The following OSBP2 variants were observed in gnomAD, a reference collection of about 807,000 sequenced individuals.
The protein encoded by OSBP2 is oxysterol-binding protein 2.
In OSBP2, 66 loss-of-function variants were observed where a neutral mutation model predicts 96.0. The observed-to-expected ratio is 0.69, with a 90% CI of 0.56 to 0.84. OSBP2 has a LOEUF of 0.84. Ranked by LOEUF, OSBP2 falls within the 40% of genes least tolerant of loss-of-function variation. The pLI is 0.00. For synonymous variants in OSBP2, 525 were observed against 520.9 expected, an observed-to-expected ratio of 1.01 and a Z score of -0.11; for missense variants, 1,038 against 1,222.7, an observed-to-expected ratio of 0.85 and a Z score of 2.25.
chr22:30,713,877 C>T (rs2089400930), intron 1 of OSBP2, among the ~76,000 whole-genome samples: 1 of 152,220 alleles, frequency 6.6e-6, no homozygotes, highest in African/African-American at 2.4e-5. Flanking sequence ...GCATATCCAT[C>T]ACCTCAAACA....
intron 3 of OSBP2, among the ~76,000 whole-genome samples, chr22:30,885,394 C>T (rs1354402428): frequency 6.6e-6 from 1 of 152,212 alleles, no homozygotes; most frequent in Non-Finnish European, 1.5e-5. Flanking sequence ...AAGCCTGAGC[C>T]ATCCTCTCCA....
intron 1 of OSBP2, among the ~76,000 whole-genome samples, chr22:30,711,000 C>T (rs2089337431): frequency 6.6e-6 from 1 of 152,230 alleles, no homozygotes; most frequent in African/African-American, 2.4e-5. Flanking sequence ...CTGCCTCGGC[C>T]TCCCAAAGTG....
chr22:30,887,810 C>G (rs1356703158), intron 4 of OSBP2, among the ~76,000 whole-genome samples, 192 bp downstream of exon 4: 1 of 152,242 alleles, frequency 6.6e-6, no homozygotes, highest in Non-Finnish European at 1.5e-5. Flanking sequence ...TTTGTCTGCA[C>G]CTAGGTTCAC....
chr22:30,818,273 T>C (rs2091104380), intron 2 of OSBP2, among the ~76,000 whole-genome samples: 1 of 152,084 alleles, frequency 6.6e-6, no homozygotes, highest in African/African-American at 2.4e-5. Flanking sequence ...TTTGCTCTTT[T>C]CCTTTCAGCG....
rs575802850 is a variant in OSBP2 at position 30,804,122 on chromosome 22, T to G, written c.853+62753T>G. 1.7e-3 allele frequency among the ~76,000 whole-genome samples: 253 copies of G among 152,176 alleles called. 1 individual carries two copies. The highest frequency in any genetic ancestry group is 2.9e-3 in the Non-Finnish European group (198 of 68,026). On this transcript the variant is annotated intron_variant, in intron 2 of 13. Coordinates refer to ENST00000332585, the MANE Select transcript of OSBP2 (RefSeq NM_030758.4). The stretch of plus-strand genomic sequence containing the variant: ...TGGCAAGGTCAGACAGATAGATGTG[T>G]TAACTCCTAGAACTGGATGGGTGGG...
intron 2 of OSBP2, chr22:30,822,709 G>A: frequency 2.6e-6 from 4 of 1,526,108 alleles, no homozygotes; most frequent in Non-Finnish European, 3.5e-6. Context: ...ATTTAAGAAG[G>A]GTTAGTGCTT....
At position 30,881,557 on chromosome 22, in the gene OSBP2, C is replaced by G; in HGVS notation, c.1108-5869C>G. Reference sequence around the variant, plus strand: ...ACACAGCCTCAGAGAAATGAGACCACGTTCAGGCCTGGGCTGGGTCAGCCA... The same window carrying G: ...ACACAGCCTCAGAGAAATGAGACCAGGTTCAGGCCTGGGCTGGGTCAGCCA... On this transcript the variant is annotated intron_variant, in intron 3 of 13. Transcript: ENST00000332585. This position sits in a 1 kb window ranked among gnomAD's most constrained non-coding sequence, Gnocchi z 4.5. The G allele has an allele frequency of 3.9e-6, 3 of 767,584 alleles. No homozygotes were observed. The allele number at this position is 767,584 out of a possible 1,614,324, so 47.5% of individuals were successfully genotyped here. A position where few individuals can be genotyped will look rare whatever the true frequency, so the allele number is the denominator to read the frequency against.
intron 2 of OSBP2, among the ~76,000 whole-genome samples, chr22:30,843,444 TC>T (rs35971934): frequency 1.7e-5 from 2 of 120,556 alleles, no homozygotes; most frequent in Admixed American, 7.5e-5. Flanking sequence ...CAGGAATCTT[TC>T]CCCCCTCCCC....
chr22:30,762,978 T>C (rs2090224711), intron 2 of OSBP2, among the ~76,000 whole-genome samples: 1 of 152,208 alleles, frequency 6.6e-6, no homozygotes, highest in South Asian at 2.1e-4. Context: ...GAAGCAGAGA[T>C]GCTGGAGCCA....
intron 1 of OSBP2, among the ~76,000 whole-genome samples, chr22:30,735,764 C>T (rs886661721): frequency 1.3e-5 from 2 of 151,976 alleles, no homozygotes; most frequent in Admixed American, 1.3e-4. Flanking sequence ...ACTCTGTTGA[C>T]CAGGCTGGAG....
At chr22:30,732,252 C>T (rs1050192094) in intron 1 of OSBP2, among the ~76,000 whole-genome samples, 2 of 151,994 alleles carry the variant, frequency 1.3e-5, no homozygotes, top group Non-Finnish European at 2.9e-5. Flanking sequence ...TGCAGAAAGC[C>T]GAGATAGCGC....
intron 2 of OSBP2, among the ~76,000 whole-genome samples, chr22:30,746,673 G>A (rs1326524147): frequency 6.6e-6 from 1 of 151,662 alleles, no homozygotes; most frequent in Non-Finnish European, 1.5e-5. Flanking sequence ...TGTATTTTTA[G>A]TAGAAACGGA....
chr22:30,882,045 C>T (rs1051140080), intron 3 of OSBP2, among the ~76,000 whole-genome samples: 1 of 152,208 alleles, frequency 6.6e-6, no homozygotes, highest in African/African-American at 2.4e-5. Flanking sequence ...TCCTGTCTCC[C>T]TGCTGCACGA....
At chr22:30,868,960 T>C (rs146902136) in intron 2 of OSBP2, among the ~76,000 whole-genome samples, 178 of 152,380 alleles carry the variant, frequency 1.2e-3, no homozygotes, top group African/African-American at 4.1e-3. Context: ...AGTTTTTAGC[T>C]GATTATTTCT....
At chr22:30,693,997 A>G, upstream of OSBP2, 1 of 1,444,682 alleles carries the variant, frequency 6.9e-7, no homozygotes, top group Non-Finnish European at 9.3e-7. Flanking sequence ...GGAAAAAAAA[A>G]TTCGCTGATG....
At position 30,893,972 on chromosome 22, in the gene OSBP2, C is replaced by T. The variant is rs1465829730; in HGVS notation, c.2346C>T (p.Ala782=). The T allele has an allele frequency of 6.3e-7, 1 of 1,599,138 alleles. No homozygotes were observed. The highest frequency in any genetic ancestry group is 8.5e-7 in the Non-Finnish European group (1 of 1,173,350). The part of the protein sequence containing the change: ...KQKTVYQTLS[A]KLLWKKYPLP... ...AGACAGTGTACCAGACCCTGTCAGC[C>T]AAGCTGCTGTGGAAGAAGTACCCGC... Residue 782 remains alanine, a synonymous_variant, in exon 12 of 14, where the codon GCC becomes GCT. Transcript: ENST00000332585.
At chr22:30,773,617 G>A (rs2090386529) in intron 2 of OSBP2, among the ~76,000 whole-genome samples, 1 of 152,116 alleles carries the variant, frequency 6.6e-6, no homozygotes, top group Admixed American at 6.5e-5. Flanking sequence ...GAGGAATGGG[G>A]GAGGGAAGGA....
intron 2 of OSBP2, among the ~76,000 whole-genome samples, chr22:30,831,596 G>GC (rs1387799758): frequency 6.6e-6 from 1 of 152,052 alleles, no homozygotes; most frequent in Non-Finnish European, 1.5e-5. Context: ...AAAATATAGG[G>GC]CCCCTTGCAA....
intron 2 of OSBP2, among the ~76,000 whole-genome samples, chr22:30,832,648 C>A (rs2038549778): frequency 6.6e-6 from 1 of 152,172 alleles, no homozygotes; most frequent in South Asian, 2.1e-4. Context: ...TGGACTCATT[C>A]TTAATTGGAA....
Sources: allele counts gnomAD v4.1 joint callset (sites outside exome capture counted in the v4.1 genomes callset), GRCh38; gene constraint gnomAD v4.1.1; non-coding constraint Gnocchi (gnomAD v3.1); transcripts MANE v1.5; gene names NCBI Gene and HGNC (gene_info 2026-07-23, HGNC 2026-07-21).